LTBP1: variants seen among roughly 807,000 people sequenced by gnomAD.
The protein encoded by LTBP1 is latent transforming growth factor beta binding protein 1.
LTBP1 carries 129 observed loss-of-function variants against 207.6 expected under a neutral mutation model. The ratio of observed to expected loss-of-function variants is 0.62; its 90% CI spans 0.54 to 0.72. The LOEUF (loss-of-function observed/expected upper bound fraction) is 0.72. Among genes scored for constraint, LTBP1 ranks in the 30% least tolerant of loss-of-function variants. The pLI is 0.00. For synonymous variants in LTBP1, 963 were observed against 833.7 expected (o/e 1.16, Z -2.67); for missense variants, 2,281 against 2,217.2 (o/e 1.03, Z -0.58).
chr2:33,118,174 A>G (rs1019820865), intron 4 of LTBP1, among the ~76,000 whole-genome samples: 1 of 145,334 alleles, frequency 6.9e-6, no homozygotes, highest in Non-Finnish European at 1.5e-5. Context: ...CATGGAGACT[A>G]CCTTTAACTT....
At chr2:32,968,946 C>T (rs1232777344) in intron 2 of LTBP1, among the ~76,000 whole-genome samples, 11 of 125,426 alleles carry the variant, frequency 8.8e-5, no homozygotes, top group African/African-American at 2.7e-4. Context: ...GGCGGTGTCT[C>T]GCTCTGTCAC....
intron 7 of LTBP1, 35 bp downstream of exon 7, chr2:33,188,886 C>A: frequency 6.3e-7 from 1 of 1,593,656 alleles, no homozygotes; most frequent in South Asian, 1.1e-5. Context: ...TTAGCAGTGT[C>A]TTACAGATAT....
chr2:33,037,744 G>T, intron 3 of LTBP1, among the ~76,000 whole-genome samples: 1 of 152,200 alleles, frequency 6.6e-6, no homozygotes, highest in Middle Eastern at 3.4e-3. Context: ...TTGAGAAAAG[G>T]CCTCACTCTG....
intron 24 of LTBP1, among the ~76,000 whole-genome samples, chr2:33,334,173 A>G (rs529044457): frequency 1.6e-4 from 24 of 152,360 alleles, no homozygotes; most frequent in Non-Finnish European, 2.1e-4. Flanking sequence ...TGGAGTAAAC[A>G]CAGCATGCGT....
chr2:33,062,827 CAGTG>C (rs2077333424), intron 3 of LTBP1, among the ~76,000 whole-genome samples: 1 of 152,152 alleles, frequency 6.6e-6, no homozygotes, highest in Non-Finnish European at 1.5e-5. Flanking sequence ...GTAGTATGTG[CAGTG>C]TGGATATGCT....
intron 3 of LTBP1, among the ~76,000 whole-genome samples, chr2:33,024,615 G>A (rs900744361): frequency 1.3e-5 from 2 of 152,202 alleles, no homozygotes; most frequent in African/African-American, 4.8e-5. Context: ...GGAAATCAAA[G>A]GAAAGAGCAG....
chr2:33,188,433 A>G (rs984344144), intron 6 of LTBP1, 144 bp from the exon 7 acceptor site: 8 of 573,572 alleles, frequency 1.4e-5, no homozygotes, highest in Non-Finnish European at 2.4e-5. Context: ...ATCTCAAAAA[A>G]AAAAAAAAAA....
chr2:33,076,962 T>A (rs1178755426), intron 3 of LTBP1, among the ~76,000 whole-genome samples: 1 of 152,162 alleles, frequency 6.6e-6, no homozygotes, highest in Non-Finnish European at 1.5e-5. Context: ...CTCATATGTG[T>A]TTTGACTGTA....
intron 4 of LTBP1, among the ~76,000 whole-genome samples, chr2:33,112,126 A>G (rs2150279322): frequency 6.6e-6 from 1 of 152,312 alleles, no homozygotes. Flanking sequence ...GAGAGATTTT[A>G]AAGTTTATGA....
At chr2:33,358,086 T>C (rs1354510498) in intron 26 of LTBP1, among the ~76,000 whole-genome samples, 2 of 152,280 alleles carry the variant, frequency 1.3e-5, no homozygotes, top group East Asian at 1.9e-4. Context: ...AGAATGACCT[T>C]TGTGGACTAG....
rs184881574 is a variant in LTBP1 at position 33,376,919 on chromosome 2, A to G, written c.4711+11416A>G. Among the ~76,000 whole-genome samples the G allele has an allele frequency of 1.1e-3, 173 of 152,266 alleles. 1 individual carries two copies. Among genetic ancestry groups the G allele is most frequent in the Admixed American group, 3.3e-3 (50 of 15,282 alleles). ...TACAAAAAGCAGGGACAGTACGTAC[A>G]TAAGAGGAAAAATACTAGATGCTAA... On this transcript the variant is annotated intron_variant, in intron 31 of 33. Transcript: ENST00000404816.
At chr2:33,328,025 C>A (rs1274191798) in intron 24 of LTBP1, among the ~76,000 whole-genome samples, 1 of 151,784 alleles carries the variant, frequency 6.6e-6, no homozygotes, top group African/African-American at 2.4e-5. Context: ...ATCTCAGCTA[C>A]TTGGGAGGCT....
intron 4 of LTBP1, among the ~76,000 whole-genome samples, chr2:33,113,781 G>C (rs2080553795): frequency 2.0e-5 from 3 of 152,138 alleles, no homozygotes; most frequent in African/African-American, 7.2e-5. Context: ...TTTTATGGCT[G>C]AGTAATACTC....
At chr2:33,043,215 C>A (rs1341705600) in intron 3 of LTBP1, among the ~76,000 whole-genome samples, 1 of 152,084 alleles carries the variant, frequency 6.6e-6, no homozygotes, top group Non-Finnish European at 1.5e-5. Context: ...ATTAGGTATA[C>A]ATTAAAGTAG....
At chr2:33,029,496 A>G (rs1218254369) in intron 3 of LTBP1, among the ~76,000 whole-genome samples, 31 of 152,204 alleles carry the variant, frequency 2.0e-4, no homozygotes, top group Admixed American at 2.0e-3. Context: ...AAAAAAAAAG[A>G]AAGTTATTAT....
rs577171233 is a variant in LTBP1 at position 33,188,427 on chromosome 2, C to CAAAAAAAAAAA, written c.1427-143_1427-133dup. 2.4e-3 allele frequency: 823 copies of CAAAAAAAAAAA among 349,488 alleles called. 7 individuals carry two copies. The highest frequency in any genetic ancestry group is 9.9e-3 in the Middle Eastern group (11 of 1,114). 21.6% of individuals were successfully genotyped at this position (349,488 alleles called of 1,614,324 possible). The stretch of plus-strand genomic sequence containing the variant: ...GGGTGACCAGAGCGAAACTCCATCT[C>CAAAAAAAAAAA]AAAAAAAAAAAAAAAAAGAATTTTG... On this transcript the variant is annotated intron_variant, in intron 6 of 33. Coordinates refer to ENST00000404816, the MANE Select transcript of LTBP1 (RefSeq NM_206943.4).
At chr2:33,182,763 C>G (rs1349044539) in intron 5 of LTBP1, among the ~76,000 whole-genome samples, 5 of 145,052 alleles carry the variant, frequency 3.4e-5, no homozygotes, top group African/African-American at 1.3e-4. Context: ...TATGTGTACA[C>G]ATACACACAC....
intron 22 of LTBP1, among the ~76,000 whole-genome samples, chr2:33,302,950 TACACAC>T (rs70938396): frequency 0.068 from 9,839 of 144,818 alleles, 775 homozygotes; most frequent in African/African-American, 0.19. Context: ...CTAATATTTT[TACACAC>T]ACACACACAC....
chr2:33,189,578 T>A (rs2087608068), intron 7 of LTBP1, among the ~76,000 whole-genome samples: 2 of 152,218 alleles, frequency 1.3e-5, no homozygotes, highest in Non-Finnish European at 2.9e-5. Context: ...GTGTCAGGCG[T>A]GAGATATGGT....
Sources: allele counts gnomAD v4.1 joint callset (sites outside exome capture counted in the v4.1 genomes callset), GRCh38; gene constraint gnomAD v4.1.1; transcripts MANE v1.5; gene names NCBI Gene and HGNC (gene_info 2026-07-23, HGNC 2026-07-21).